PPARGC1A: variants seen among roughly 807,000 people sequenced by gnomAD.
PPARGC1A encodes PPARG coactivator 1 alpha, also known as peroxisome proliferator-activated receptor gamma coactivator 1-alpha.
Under a neutral mutation model 88.7 loss-of-function variants are expected in PPARGC1A, and 25 were observed. The ratio of observed to expected loss-of-function variants is 0.28; its 90% CI spans 0.21 to 0.39. PPARGC1A has a LOEUF of 0.39. Ranked by LOEUF, PPARGC1A falls within the 10% of genes least tolerant of loss-of-function variation. PPARGC1A has a pLI of 1.00. For synonymous variants in PPARGC1A, 363 were observed against 355.6 expected (o/e 1.02, Z -0.24); for missense variants, 880 against 968.7 (o/e 0.91, Z 1.22).
At chr4:23,904,297 T>G (rs1026565388), upstream of PPARGC1A, among the ~76,000 whole-genome samples, 2 of 152,206 alleles carry the variant, frequency 1.3e-5, no homozygotes, top group African/African-American at 4.8e-5. Context: ...CATCAGCAAT[T>G]GAGACAGGTG....
chr4:24,287,461 T>A, the PPARGC1A span, among the ~76,000 whole-genome samples: 1 of 152,092 alleles, frequency 6.6e-6, no homozygotes, highest in African/African-American at 2.4e-5. Context: ...CCCTAAATGA[T>A]ATAAAGGGAC....
chr4:24,071,686 G>T, the PPARGC1A span, among the ~76,000 whole-genome samples: 1 of 152,034 alleles, frequency 6.6e-6, no homozygotes, highest in Non-Finnish European at 1.5e-5. Context: ...GGATGTGCCT[G>T]AATTGTGCCA....
chr4:24,078,424 A>T, the PPARGC1A span, among the ~76,000 whole-genome samples: 1 of 152,090 alleles, frequency 6.6e-6, no homozygotes, highest in Non-Finnish European at 1.5e-5. Context: ...ACAGACTTTC[A>T]CTTAAAACCT....
At chr4:24,395,627 C>T in the PPARGC1A span, among the ~76,000 whole-genome samples, 198 of 152,284 alleles carry the variant, frequency 1.3e-3, no homozygotes, top group African/African-American at 4.5e-3. Flanking sequence ...GCTGTTCTTC[C>T]AACGGACAGA....
intron 2 of PPARGC1A, among the ~76,000 whole-genome samples, chr4:23,844,905 G>GA (rs1728034717): frequency 7.4e-6 from 1 of 135,622 alleles, no homozygotes; most frequent in Non-Finnish European, 1.5e-5. Context: ...TACAGAAAGA[G>GA]AAAAAAAGAG....
chr4:24,107,690 G>A, the PPARGC1A span, among the ~76,000 whole-genome samples: 1 of 152,180 alleles, frequency 6.6e-6, no homozygotes, highest in African/African-American at 2.4e-5. Context: ...AGATTATGAA[G>A]GGCCTTGAAT....
At chr4:24,166,717 A>G in the PPARGC1A span, among the ~76,000 whole-genome samples, 1 of 152,232 alleles carries the variant, frequency 6.6e-6, no homozygotes, top group African/African-American at 2.4e-5. Context: ...AAATGGAACA[A>G]CAAAGCCTGG....
chr4:24,438,582 T>C, the PPARGC1A span, among the ~76,000 whole-genome samples: 774 of 152,348 alleles, frequency 5.1e-3, 21 homozygotes, highest in Admixed American at 0.046. Context: ...TATTACAATT[T>C]TCGGCTACTA....
At chr4:24,211,109 T>C in the PPARGC1A span, among the ~76,000 whole-genome samples, 4 of 152,190 alleles carry the variant, frequency 2.6e-5, no homozygotes, top group African/African-American at 9.7e-5. Flanking sequence ...GCAAGAACTT[T>C]TTCATGTCTT....
chr4:23,835,371 A>G (rs1301322579), intron 2 of PPARGC1A, among the ~76,000 whole-genome samples: 1 of 152,170 alleles, frequency 6.6e-6, no homozygotes, highest in Non-Finnish European at 1.5e-5. Context: ...ATTAATTTAT[A>G]AGATCTGATT....
the PPARGC1A span, among the ~76,000 whole-genome samples, chr4:24,044,061 A>G: frequency 6.6e-6 from 1 of 152,174 alleles, no homozygotes; most frequent in Non-Finnish European, 1.5e-5. Context: ...CTTAACAAAG[A>G]GCGTCAAATT....
the PPARGC1A span, among the ~76,000 whole-genome samples, chr4:24,214,225 T>C: frequency 6.6e-6 from 1 of 152,332 alleles, no homozygotes; most frequent in South Asian, 2.1e-4. Flanking sequence ...GAACTGTTAA[T>C]ATAGTTGTAA....
chr4:23,869,004 A>C (rs1043782764), intron 2 of PPARGC1A, among the ~76,000 whole-genome samples: 12 of 152,100 alleles, frequency 7.9e-5, no homozygotes, highest in African/African-American at 2.7e-4. Context: ...GGTTTCATGG[A>C]GGGTGCAGAG....
At chr4:24,403,776 C>T in the PPARGC1A span, among the ~76,000 whole-genome samples, 1 of 152,160 alleles carries the variant, frequency 6.6e-6, no homozygotes, top group South Asian at 2.1e-4. Context: ...TTTAGCAACA[C>T]TTTATATCTA....
chr4:23,819,984 C>G (rs996764830), intron 7 of PPARGC1A, among the ~76,000 whole-genome samples: 12 of 152,238 alleles, frequency 7.9e-5, no homozygotes, highest in Non-Finnish European at 1.5e-4. Flanking sequence ...AAGGCTACAG[C>G]CGTTTGTCAA....
In PPARGC1A at chr4:23,793,462, G is replaced by A; in HGVS notation, c.*2360C>T. 6.6e-6 allele frequency: 1 copy of A among 152,610 alleles called. No homozygotes were observed. The highest frequency in any genetic ancestry group is 2.4e-5 in the African/African-American group (1 of 41,580). 9.5% of individuals were successfully genotyped at this position (152,610 alleles called of 1,614,324 possible). On this transcript the variant is annotated 3_prime_UTR_variant, in exon 13 of 13. Transcript: ENST00000264867. The stretch of plus-strand genomic sequence containing the variant: ...TTCACTCAGAACACAATATGCTGGT[G>A]ATAAATGAATGCAGCTATCAAAATT...
At chr4:24,333,012 C>T in the PPARGC1A span, among the ~76,000 whole-genome samples, 67 of 152,148 alleles carry the variant, frequency 4.4e-4, no homozygotes, top group African/African-American at 1.6e-3. Context: ...GAGGCCAAGG[C>T]GGGCAGATCA....
At chr4:24,416,099 T>C in the PPARGC1A span, among the ~76,000 whole-genome samples, 162 of 152,278 alleles carry the variant, frequency 1.1e-3, no homozygotes, top group African/African-American at 3.8e-3. Flanking sequence ...AAAATGCAGA[T>C]GGATACAGGC....
intron 2 of PPARGC1A, among the ~76,000 whole-genome samples, chr4:23,867,004 C>T (rs1039221469): frequency 6.7e-6 from 1 of 150,306 alleles, no homozygotes; most frequent in African/African-American, 2.4e-5. Context: ...CTATGTGTAT[C>T]CTTTTTCTTG....
Sources: gnomAD v4.1 joint callset for allele counts (sites outside exome capture counted in the v4.1 genomes callset) on GRCh38, gnomAD v4.1.1 for gene constraint, MANE v1.5 for transcripts, NCBI Gene and HGNC (gene_info 2026-07-23, HGNC 2026-07-21) for gene names.